ALMS1: variants seen among roughly 807,000 people sequenced by gnomAD.
The protein encoded by ALMS1 is ALMS1 centrosome and basal body associated protein, also known as centrosome-associated protein ALMS1.
A neutral mutation model predicts 352.2 loss-of-function variants in ALMS1; 271 were observed. The observed-to-expected ratio is 0.77, with a 90% CI of 0.70 to 0.85. ALMS1 has a LOEUF of 0.85. Ranked by LOEUF, ALMS1 falls within the 40% of genes least tolerant of loss-of-function variation. ALMS1 has a pLI of 0.00. For missense variants in ALMS1, 5,445 were observed against 4,870.7 expected, an observed-to-expected ratio of 1.12 and a Z score of -3.51; for synonymous variants, 1,865 against 1,761.2, an observed-to-expected ratio of 1.06 and a Z score of -1.48.
intron 16 of ALMS1, among the ~76,000 whole-genome samples, chr2:73,589,291 C>T (rs1263738040): frequency 6.6e-6 from 1 of 151,988 alleles, no homozygotes; most frequent in Non-Finnish European, 1.5e-5. Context: ...TGTAAAAGAC[C>T]ATTTTGAGCT....
intron 13 of ALMS1, among the ~76,000 whole-genome samples, chr2:73,551,670 A>C (rs1674437938): frequency 6.6e-6 from 1 of 151,858 alleles, no homozygotes; most frequent in Non-Finnish European, 1.5e-5. Flanking sequence ...TCCAGACCTC[A>C]GATGATCTGC....
At chr2:73,545,833 G>T (rs1278755743) in intron 12 of ALMS1, among the ~76,000 whole-genome samples, 1 of 152,226 alleles carries the variant, frequency 6.6e-6, no homozygotes, top group African/African-American at 2.4e-5. Flanking sequence ...TACCCTTTAT[G>T]AACATATGAC....
At chr2:73,565,849 G>C (rs914870032) in intron 15 of ALMS1, among the ~76,000 whole-genome samples, 4 of 152,140 alleles carry the variant, frequency 2.6e-5, no homozygotes, top group African/African-American at 9.7e-5. Context: ...AAAACTGTCA[G>C]AGTCATGAAA....
intron 15 of ALMS1, among the ~76,000 whole-genome samples, chr2:73,563,955 C>T (rs1166855723): frequency 6.6e-6 from 1 of 151,514 alleles, no homozygotes. Flanking sequence ...TATGACAGAT[C>T]GTGGAGATGA....
chr2:73,577,469 GT>G (rs1201568571), intron 16 of ALMS1, among the ~76,000 whole-genome samples: 4 of 148,464 alleles, frequency 2.7e-5, no homozygotes, highest in Non-Finnish European at 6.0e-5. Flanking sequence ...GATTTAGTAT[GT>G]TTTTTTTTCT....
At chr2:73,531,695 C>A (rs978328882) in intron 11 of ALMS1, among the ~76,000 whole-genome samples, 4 of 152,208 alleles carry the variant, frequency 2.6e-5, no homozygotes, top group African/African-American at 9.7e-5. Context: ...AAAGATACTA[C>A]CTGAGACTGG....
chr2:73,596,177 C>T (rs1465161202), intron 16 of ALMS1, among the ~76,000 whole-genome samples: 1 of 152,162 alleles, frequency 6.6e-6, no homozygotes, highest in Non-Finnish European at 1.5e-5. Context: ...TATTCAAGAA[C>T]TGTTTGCCTA....
At chr2:73,478,260 C>T (rs1021084968) in intron 9 of ALMS1, among the ~76,000 whole-genome samples, 1 of 152,032 alleles carries the variant, frequency 6.6e-6, no homozygotes, top group East Asian at 1.9e-4. Flanking sequence ...TGTAAAATTA[C>T]TTGGAAATGG....
intron 11 of ALMS1, among the ~76,000 whole-genome samples, chr2:73,530,152 C>T (rs940786486): frequency 6.6e-6 from 1 of 152,164 alleles, no homozygotes; most frequent in African/African-American, 2.4e-5. Context: ...TCAACTCATT[C>T]TAGCATTAAC....
At chr2:73,467,808 G>A (rs978805730) in intron 9 of ALMS1, among the ~76,000 whole-genome samples, 4 of 152,006 alleles carry the variant, frequency 2.6e-5, no homozygotes, top group African/African-American at 4.8e-5. Flanking sequence ...TGTCACACAC[G>A]TTATGGTTAG....
At chr2:73,552,642 T>C (rs1674463567) in intron 13 of ALMS1, among the ~76,000 whole-genome samples, 1 of 152,210 alleles carries the variant, frequency 6.6e-6, no homozygotes, top group South Asian at 2.1e-4. Context: ...ACTTACAGAC[T>C]TTGCATCCTA....
chr2:73,490,756 T>C lies in ALMS1; in HGVS notation c.8797T>C (p.Cys2933Arg). Residue 2933 changes from cysteine to arginine, a missense_variant, in exon 10 of 23, where the codon TGC becomes CGC. Coordinates refer to ENST00000613296, the MANE Select transcript of ALMS1 (RefSeq NM_001378454.1). ...TGAACAACGAGAACTCTTTGAACAG[T>C]GCAAAGCCCCATATGTAGATCATCA... ...FLEQRELFEQ[C>R]KAPYVDHQMR... The C allele has an allele frequency of 6.2e-7, 1 of 1,614,054 alleles. No homozygotes were observed. Among genetic ancestry groups the C allele is most frequent in the Non-Finnish European group, 8.5e-7 (1 of 1,180,008 alleles).
rs1264364031 is a variant in ALMS1, at chr2:73,455,779, AAATTCAT to A, written c.7674+486_7674+492del. Among the ~76,000 whole-genome samples, 4 of 152,222 alleles carry A rather than the reference AAATTCAT, an allele frequency of 2.6e-5. No homozygotes were observed. In the East Asian group the frequency reaches 7.7e-4, roughly 29 times the overall value. ...TAGATATGTTGTTTTTATTGATTCC[AAATTCAT>A]ATTTTGAAAAATTTATCTTCTTAGA... On this transcript the variant is annotated intron_variant, in intron 9 of 22. Transcript: ENST00000613296.
intron 9 of ALMS1, among the ~76,000 whole-genome samples, chr2:73,475,520 T>G (rs1469280407): frequency 6.6e-6 from 1 of 152,192 alleles, no homozygotes. Flanking sequence ...TTATCTTTTC[T>G]GATGAAATAC....
chr2:73,455,426 GAC>G lies in ALMS1; in HGVS notation c.7674+133_7674+134del. On this transcript the variant is annotated intron_variant, in intron 9 of 22. Transcript: ENST00000613296. ...AAGCCTTTTTTGGTTTTGTTTTTGA[GAC>G]AGTCTTGCTCTGTTGCCCAGGCTGA... 3.4e-6 allele frequency: 4 copies of G among 1,190,074 alleles called. No individual in the cohort carries two copies. The East Asian group carries it at 1.0e-4, about 31-fold the overall frequency. The allele number at this position is 1,190,074 out of a possible 1,614,324, so 73.7% of individuals were successfully genotyped here.
At chr2:73,536,989 A>G (rs1317403620) in intron 12 of ALMS1, among the ~76,000 whole-genome samples, 1 of 152,134 alleles carries the variant, frequency 6.6e-6, no homozygotes, top group Non-Finnish European at 1.5e-5. Context: ...GAGGATGCAA[A>G]ATGGAGCTGG....
At position 73,602,076 on chromosome 2, in the gene ALMS1, A is replaced by G. The variant is rs1184514475; in HGVS notation, c.12115-109A>G. The G allele has an allele frequency of 4.3e-6, 5 of 1,160,718 alleles. No homozygotes were observed. The East Asian group carries it at 1.0e-4, about 24-fold the overall frequency. The allele number at this position is 1,160,718 out of a possible 1,614,324, so 71.9% of individuals were successfully genotyped here. A position where few individuals can be genotyped will look rare whatever the true frequency, so the allele number is the denominator to read the frequency against. On this transcript the variant is annotated intron_variant, in intron 19 of 22. Transcript: ENST00000613296. The stretch of plus-strand genomic sequence containing the variant: ...CGCTAGATACTTTCTCGGCATTTGA[A>G]TCAGACTTCCCCAAACCTCTTGGGC...
At chr2:73,482,626 T>C (rs537852659) in intron 9 of ALMS1, among the ~76,000 whole-genome samples, 1 of 152,342 alleles carries the variant, frequency 6.6e-6, no homozygotes, top group African/African-American at 2.4e-5. Context: ...TCTTTTTCCA[T>C]TGATTGGAAT....
intron 12 of ALMS1, among the ~76,000 whole-genome samples, chr2:73,544,518 A>T (rs1473166109): frequency 2.6e-5 from 4 of 152,210 alleles, no homozygotes; most frequent in Non-Finnish European, 4.4e-5. Flanking sequence ...GTATAGTAAA[A>T]AAATAAATAA....
Sources: allele counts gnomAD v4.1 joint callset (sites outside exome capture counted in the v4.1 genomes callset), GRCh38; gene constraint gnomAD v4.1.1; transcripts MANE v1.5; gene names NCBI Gene and HGNC (gene_info 2026-07-23, HGNC 2026-07-21).